The following CDH13 variants were observed in gnomAD, a reference collection of about 807,000 sequenced individuals.
CDH13 encodes the protein cadherin-13.
CDH13 carries 24 observed loss-of-function variants against 63.8 expected under a neutral mutation model. The observed-to-expected ratio is 0.38, with a 90% confidence interval of 0.27 to 0.53. The LOEUF (loss-of-function observed/expected upper bound fraction) is 0.53, where lower values mean the gene tolerates loss of function less well. Among genes scored for constraint, CDH13 ranks in the 20% least tolerant of loss-of-function variants. CDH13 has a pLI of 0.85. For missense variants in CDH13, 1,049 were observed against 903.1 expected (o/e 1.16, Z -2.07); for synonymous variants, 503 against 355.3 (o/e 1.42, Z -4.67).
intron 4 of CDH13, among the ~76,000 whole-genome samples, chr16:83,188,291 G>T (rs183461196): frequency 6.6e-6 from 1 of 152,338 alleles, no homozygotes; most frequent in African/African-American, 2.4e-5. Context: ...AGCAATGGGG[G>T]CTTGGCCCAG....
At chr16:83,584,975 A>G (rs937824212) in intron 7 of CDH13, among the ~76,000 whole-genome samples, 3 of 152,162 alleles carry the variant, frequency 2.0e-5, no homozygotes, top group Admixed American at 2.0e-4. Flanking sequence ...GGTGGCACCA[A>G]TGAAAGCTCT....
intron 7 of CDH13, among the ~76,000 whole-genome samples, chr16:83,539,140 T>G (rs2075253036): frequency 6.6e-6 from 1 of 152,142 alleles, no homozygotes; most frequent in African/African-American, 2.4e-5. Context: ...CAACCTTTCT[T>G]GGCACCAGGG....
rs78856425 is a variant in CDH13, at chr16:83,241,869, G to T, written c.636+24372G>T. ...GTTTCATTTGCCTAGTTTTGCTTTT[G>T]TTGTCTGTGCTTTTTGTGTCATATA... On this transcript the variant is annotated intron_variant, in intron 5 of 13. Coordinates refer to ENST00000567109, the MANE Select transcript of CDH13 (RefSeq NM_001257.5). Among the ~76,000 whole-genome samples the T allele has an allele frequency of 4.9e-3, 742 of 152,270 alleles. 2 individuals carry two copies. Among genetic ancestry groups the T allele is most frequent in the African/African-American group, 0.017 (703 of 41,558 alleles).
At chr16:83,104,874 C>A (rs1360179897) in intron 3 of CDH13, among the ~76,000 whole-genome samples, 1 of 152,166 alleles carries the variant, frequency 6.6e-6, no homozygotes, top group Non-Finnish European at 1.5e-5. Context: ...GAAAAATGGA[C>A]CAAATCGATC....
Position 83,742,185 on chromosome 16 carries a change from T to C in CDH13, c.1539-5923T>C, listed in dbSNP as rs375254202. On this transcript the variant is annotated intron_variant, in intron 10 of 13. Transcript: ENST00000567109. ...GTCCTTCCAGGTCAACAGCTGGCCC[T>C]GGCCACTTGCCTGGAAGCTTTCTTC... Among the ~76,000 whole-genome samples the C allele has an allele frequency of 4.9e-3, 746 of 152,360 alleles. 6 individuals are homozygous for C. The highest frequency in any genetic ancestry group is 0.014 in the South Asian group (69 of 4,830).
intron 6 of CDH13, among the ~76,000 whole-genome samples, chr16:83,377,867 G>C (rs1483453394): frequency 6.6e-6 from 1 of 152,138 alleles, no homozygotes; most frequent in Non-Finnish European, 1.5e-5. Flanking sequence ...AAGGTACTTT[G>C]CAAAAATTAG....
chr16:82,848,030 G>C (rs959377661), intron 1 of CDH13, among the ~76,000 whole-genome samples: 16 of 151,912 alleles, frequency 1.1e-4, no homozygotes, highest in African/African-American at 3.9e-4. Flanking sequence ...CTTGCAATTT[G>C]GGGCATTTAT....
intron 6 of CDH13, among the ~76,000 whole-genome samples, chr16:83,453,896 G>T (rs2072953647): frequency 1.3e-5 from 2 of 152,210 alleles, no homozygotes; most frequent in South Asian, 4.1e-4. Context: ...TCAAAAGCTT[G>T]CCATGAGTCT....
intron 10 of CDH13, among the ~76,000 whole-genome samples, chr16:83,706,361 C>G (rs1482491870): frequency 6.6e-6 from 1 of 152,180 alleles, no homozygotes; most frequent in East Asian, 1.9e-4. Context: ...GTCATAAACG[C>G]TAACCCACAC....
chr16:82,702,520 A>G (rs916273315), intron 1 of CDH13, among the ~76,000 whole-genome samples: 17 of 152,184 alleles, frequency 1.1e-4, no homozygotes, highest in Non-Finnish European at 2.1e-4. Context: ...CCATTCATTA[A>G]GAGAAGTTAA....
chr16:82,669,762 C>T (rs1419433748), intron 1 of CDH13, among the ~76,000 whole-genome samples: 3 of 152,174 alleles, frequency 2.0e-5, no homozygotes. Context: ...ATTTGCTCCC[C>T]AGTTATCACC....
intron 1 of CDH13, among the ~76,000 whole-genome samples, chr16:82,821,859 G>T (rs1313103353): frequency 6.6e-6 from 1 of 152,196 alleles, no homozygotes; most frequent in African/African-American, 2.4e-5. Flanking sequence ...AAGAACAAGG[G>T]CTTGAAGGAA....
At chr16:83,241,234 A>T (rs1489423764) in intron 5 of CDH13, among the ~76,000 whole-genome samples, 1 of 152,162 alleles carries the variant, frequency 6.6e-6, no homozygotes, top group Non-Finnish European at 1.5e-5. Context: ...TTATCCATTC[A>T]TCTATCAGTG....
chr16:82,828,371 A>G (rs1160490131), intron 1 of CDH13, among the ~76,000 whole-genome samples: 1 of 152,110 alleles, frequency 6.6e-6, no homozygotes, highest in South Asian at 2.1e-4. Flanking sequence ...TAATCCCAAG[A>G]CTTTGGGAGG....
chr16:82,899,934 A>G (rs1306637863), intron 2 of CDH13, among the ~76,000 whole-genome samples: 1 of 152,192 alleles, frequency 6.6e-6, no homozygotes, highest in Admixed American at 6.5e-5. Flanking sequence ...AGGGCAGAGC[A>G]GTTGCCAGTT....
chr16:82,735,213 T>C (rs2033611692), intron 1 of CDH13, among the ~76,000 whole-genome samples: 1 of 152,250 alleles, frequency 6.6e-6, no homozygotes, highest in South Asian at 2.1e-4. Flanking sequence ...TTATCATCCA[T>C]GACAGTCTTT....
intron 10 of CDH13, among the ~76,000 whole-genome samples, chr16:83,704,203 A>C (rs920043126): frequency 2.6e-5 from 4 of 152,190 alleles, no homozygotes; most frequent in Non-Finnish European, 5.9e-5. Flanking sequence ...AAGGAAGCTA[A>C]GGGATAGAAA....
chr16:83,134,928 C>A (rs548603985), intron 4 of CDH13, among the ~76,000 whole-genome samples: 1 of 152,164 alleles, frequency 6.6e-6, no homozygotes, highest in Non-Finnish European at 1.5e-5. Flanking sequence ...ATCACCCTTT[C>A]GGTTCTCCAT....
chr16:83,166,273 C>G (rs1314689205), intron 4 of CDH13, among the ~76,000 whole-genome samples: 1 of 152,076 alleles, frequency 6.6e-6, no homozygotes, highest in Admixed American at 6.6e-5. Context: ...CCAGACCTGA[C>G]TATTTTATGT....
Sources: gnomAD v4.1 joint callset for allele counts (sites outside exome capture counted in the v4.1 genomes callset) on GRCh38, gnomAD v4.1.1 for gene constraint, MANE v1.5 for transcripts, NCBI Gene and HGNC (gene_info 2026-07-23, HGNC 2026-07-21) for gene names.